ENTREP2: variants seen among roughly 807,000 people sequenced by gnomAD.
The protein encoded by ENTREP2 is endosomal transmembrane epsin interactor 2, also known as protein ENTREP2.
the ENTREP2 span, among the ~76,000 whole-genome samples, chr15:29,210,630 T>C: frequency 1.3e-5 from 2 of 152,216 alleles, no homozygotes. Context: ...ATCCCTGACC[T>C]GGACCCTCCC....
the ENTREP2 span, among the ~76,000 whole-genome samples, chr15:29,600,958 C>T: frequency 0.016 from 2,122 of 135,884 alleles, 3 homozygotes; most frequent in Non-Finnish European, 0.023. Flanking sequence ...AGTGCAGTGG[C>T]GCGATCTCTG....
At chr15:29,619,269 G>C in the ENTREP2 span, among the ~76,000 whole-genome samples, 1 of 152,194 alleles carries the variant, frequency 6.6e-6, no homozygotes, top group Admixed American at 6.5e-5. Flanking sequence ...GCTGGCGCCT[G>C]TAATCCCAGC....
the ENTREP2 span, among the ~76,000 whole-genome samples, chr15:29,527,719 CCT>C: frequency 1.3e-5 from 2 of 152,034 alleles, no homozygotes; most frequent in African/African-American, 4.8e-5. Flanking sequence ...AAGCTGGACT[CCT>C]CTCCCCAGAA....
At chr15:29,528,916 T>C in the ENTREP2 span, among the ~76,000 whole-genome samples, 1 of 152,050 alleles carries the variant, frequency 6.6e-6, no homozygotes, top group East Asian at 2.0e-4. Flanking sequence ...GGTAAAACTA[T>C]GTTACTCAAG....
chr15:29,139,894 G>C, the ENTREP2 span, among the ~76,000 whole-genome samples: 1 of 152,192 alleles, frequency 6.6e-6, no homozygotes, highest in Non-Finnish European at 1.5e-5. Context: ...AGGGTGGCCA[G>C]CTCTGTCCTC....
chr15:29,178,467 G>A, the ENTREP2 span, among the ~76,000 whole-genome samples: 3 of 151,334 alleles, frequency 2.0e-5, no homozygotes, highest in Non-Finnish European at 4.4e-5. Context: ...TTTGTTTTTT[G>A]TCTGGACTAA....
the ENTREP2 span, among the ~76,000 whole-genome samples, chr15:29,240,255 T>G: frequency 1.3e-5 from 2 of 151,214 alleles, no homozygotes; most frequent in East Asian, 1.9e-4. Context: ...TCCCAGATAC[T>G]CAGGAGGCCG....
the ENTREP2 span, among the ~76,000 whole-genome samples, chr15:29,351,527 G>A: frequency 2.6e-5 from 4 of 152,010 alleles, no homozygotes; most frequent in Non-Finnish European, 5.9e-5. Flanking sequence ...AAACAGAAAC[G>A]AAAAATTAAA....
the ENTREP2 span, among the ~76,000 whole-genome samples, chr15:29,136,159 G>A: frequency 6.6e-6 from 1 of 152,234 alleles, no homozygotes; most frequent in South Asian, 2.1e-4. Flanking sequence ...ACAGCACAGG[G>A]CTGATAAGAC....
At chr15:29,174,059 C>T in the ENTREP2 span, among the ~76,000 whole-genome samples, 21 of 151,444 alleles carry the variant, frequency 1.4e-4, no homozygotes, top group Admixed American at 1.4e-3. Context: ...GGAAATATAA[C>T]ACAATCTTAA....
At chr15:29,179,643 C>A in the ENTREP2 span, among the ~76,000 whole-genome samples, 3 of 147,754 alleles carry the variant, frequency 2.0e-5, no homozygotes, top group Non-Finnish European at 4.5e-5. Context: ...TGCAGTGGTG[C>A]GATCTCAGCT....
chr15:29,486,310 T>C, the ENTREP2 span, among the ~76,000 whole-genome samples: 1 of 152,112 alleles, frequency 6.6e-6, no homozygotes, highest in East Asian at 1.9e-4. Flanking sequence ...GAATGATAAA[T>C]ACCATGCGGT....
the ENTREP2 span, among the ~76,000 whole-genome samples, chr15:29,414,761 T>C: frequency 6.6e-6 from 1 of 151,582 alleles, no homozygotes; most frequent in African/African-American, 2.4e-5. Flanking sequence ...GCAAGACTAA[T>C]AAAGAAGAAA....
the ENTREP2 span, among the ~76,000 whole-genome samples, chr15:29,424,991 G>C: frequency 6.6e-6 from 1 of 151,978 alleles, no homozygotes; most frequent in African/African-American, 2.4e-5. Context: ...CACCATAATG[G>C]GGTGATTATA....
the ENTREP2 span, among the ~76,000 whole-genome samples, chr15:29,605,321 A>G: frequency 6.6e-6 from 1 of 152,194 alleles, no homozygotes; most frequent in Non-Finnish European, 1.5e-5. Flanking sequence ...TCGAAAGTCA[A>G]TTGGCCTCCC....
At chr15:29,234,930 A>G in the ENTREP2 span, 3 of 1,540,296 alleles carry the variant, frequency 1.9e-6, no homozygotes, top group Non-Finnish European at 2.7e-6. Context: ...GTGTCATCTG[A>G]GCCAGATAAA....
chr15:29,479,409 G>T, the ENTREP2 span, among the ~76,000 whole-genome samples: 4 of 151,850 alleles, frequency 2.6e-5, no homozygotes, highest in African/African-American at 9.7e-5. Context: ...ATTACCCAGG[G>T]TCAGGTATTT....
At chr15:29,479,163 C>T in the ENTREP2 span, among the ~76,000 whole-genome samples, 9 of 144,744 alleles carry the variant, frequency 6.2e-5, no homozygotes, top group African/African-American at 2.3e-4. Flanking sequence ...GCCAAGATCA[C>T]ACCACTGCAC....
chr15:29,234,513 C>A, the ENTREP2 span: 3 of 1,405,996 alleles, frequency 2.1e-6, no homozygotes, highest in South Asian at 2.3e-5. Flanking sequence ...GAACAACCAA[C>A]GGCAAGGTAA....
Sources: allele counts gnomAD v4.1 joint callset (sites outside exome capture counted in the v4.1 genomes callset), GRCh38; gene constraint gnomAD v4.1.1; transcripts MANE v1.5; gene names NCBI Gene and HGNC (gene_info 2026-07-23, HGNC 2026-07-21).